FAP: variants seen among roughly 807,000 people sequenced by gnomAD.
FAP encodes the protein fibroblast activation protein alpha, also known as prolyl endopeptidase FAP.
In FAP, 110 loss-of-function variants were observed where a neutral mutation model predicts 126.5. That is an observed-to-expected ratio of 0.87 (90% CI 0.74 to 1.02). FAP has a LOEUF of 1.02. FAP is among the 50% of genes least tolerant of loss of function. FAP has a pLI of 0.00. For synonymous variants in FAP, 334 were observed against 297.3 expected (o/e 1.12, Z -1.27); for missense variants, 919 against 909.2 (o/e 1.01, Z -0.14).
In FAP at chr2:162,188,284, T is replaced by TC. The variant is rs1450696678; in HGVS notation, c.1698dup (p.Met567AspfsTer16). On this transcript the variant is annotated frameshift_variant, in exon 20 of 26. Transcript: ENST00000188790. LOFTEE classifies it high-confidence loss of function. ...CGACCATCCACCAAGGCAATGACCATCCCTTCCTTACTTGCAAGATAAGAT... is the reference window on the plus strand; with the variant it reads ...CGACCATCCACCAAGGCAATGACCATCCCCTTCCTTACTTGCAAGATAAGAT... 2 of 1,613,320 alleles carry TC rather than the reference T, an allele frequency of 1.2e-6. No homozygotes were observed. Among genetic ancestry groups the TC allele is most frequent in the Non-Finnish European group, 1.7e-6 (2 of 1,179,518 alleles).
intron 10 of FAP, 62 bp downstream of exon 10, chr2:162,215,836 T>G: frequency 8.5e-7 from 1 of 1,173,660 alleles, no homozygotes; most frequent in Non-Finnish European, 1.3e-6. Context: ...GCTTCTAGCA[T>G]GCACAGCATA....
chr2:162,183,370 T>C (rs746636788), intron 21 of FAP, 44 bp downstream of exon 21: 2 of 1,393,040 alleles, frequency 1.4e-6, no homozygotes, highest in South Asian at 1.2e-5. Flanking sequence ...AAAATGATGA[T>C]TGCTGAACTG....
At chr2:162,228,997 G>A (rs562747222) in intron 2 of FAP, among the ~76,000 whole-genome samples, 83 of 152,172 alleles carry the variant, frequency 5.5e-4, no homozygotes, top group African/African-American at 1.8e-3. Flanking sequence ...TCCATTTACT[G>A]TAAATACCAA....
chr2:162,172,777 A>G, intron 25 of FAP, 34 bp downstream of exon 25: 1 of 1,443,848 alleles, frequency 6.9e-7, no homozygotes, highest in Non-Finnish European at 9.8e-7. Flanking sequence ...TGAGGGTCTA[A>G]GGCCATGAAC....
rs531526719 is a variant in FAP, at chr2:162,214,959, C to T, written c.867-886G>A. ...CTACTATTTTATTGTTAGTATTTTACAGCTGTTCAAACAAGCCTCTGGACT... is the reference window on the plus strand; with the variant it reads ...CTACTATTTTATTGTTAGTATTTTATAGCTGTTCAAACAAGCCTCTGGACT... On this transcript the variant is annotated intron_variant, in intron 10 of 25. Transcript: ENST00000188790. Among the ~76,000 whole-genome samples the T allele has an allele frequency of 1.6e-4, 25 of 152,234 alleles. No individual in the cohort carries two copies. In the South Asian group the frequency reaches 1.9e-3, roughly 11 times the overall value.
chr2:162,182,269 A>G (rs905150244), intron 21 of FAP, among the ~76,000 whole-genome samples: 4 of 152,210 alleles, frequency 2.6e-5, no homozygotes, highest in African/African-American at 9.7e-5. Flanking sequence ...GCAAAGTCCA[A>G]CTCTAAGAGA....
At chr2:162,183,024 A>G (rs987703776) in intron 21 of FAP, among the ~76,000 whole-genome samples, 11 of 152,220 alleles carry the variant, frequency 7.2e-5, no homozygotes, top group Non-Finnish European at 1.5e-4. Flanking sequence ...TATATTCTGA[A>G]AGTCCCTGTG....
intron 2 of FAP, among the ~76,000 whole-genome samples, chr2:162,236,918 C>T (rs1372425687): frequency 6.6e-6 from 1 of 152,110 alleles, no homozygotes; most frequent in Non-Finnish European, 1.5e-5. Flanking sequence ...TTTTAACATA[C>T]AATTGTTATA....
At chr2:162,171,104 GT>G (rs754795750) in intron 25 of FAP, 24 bp from the exon 26 acceptor site, 2 of 1,588,594 alleles carry the variant, frequency 1.3e-6, no homozygotes, top group Admixed American at 3.4e-5. Flanking sequence ...AAAAAAGCTT[GT>G]TTTATTCCTG....
chr2:162,229,647 C>T (rs142103229), intron 2 of FAP, among the ~76,000 whole-genome samples: 175 of 152,120 alleles, frequency 1.2e-3, no homozygotes, highest in African/African-American at 3.6e-3. Context: ...TTTTCCTTTT[C>T]GTATCATTAA....
intron 2 of FAP, among the ~76,000 whole-genome samples, chr2:162,227,350 T>C (rs183898691): frequency 1.1e-3 from 171 of 152,280 alleles, no homozygotes; most frequent in African/African-American, 3.8e-3. Flanking sequence ...ATTCAATCTA[T>C]ATTTGAATAC....
At chr2:162,226,781 G>T (rs1229026174) in intron 2 of FAP, among the ~76,000 whole-genome samples, 160 bp from the exon 3 acceptor site, 1 of 152,096 alleles carries the variant, frequency 6.6e-6, no homozygotes, top group Admixed American at 6.6e-5. Flanking sequence ...ATTATTAATA[G>T]TAGTATCTCC....
chr2:162,226,033 G>T (rs748746222), intron 3 of FAP, among the ~76,000 whole-genome samples: 20 of 152,024 alleles, frequency 1.3e-4, no homozygotes, highest in Non-Finnish European at 2.9e-4. Context: ...AAATGTCATA[G>T]ACTATTTAGT....
chr2:162,183,358 A>G, intron 21 of FAP, 56 bp downstream of exon 21: 1 of 1,301,000 alleles, frequency 7.7e-7, no homozygotes, highest in Non-Finnish European at 1.1e-6. Context: ...CGAACACTTC[A>G]GAAAATGATG....
At chr2:162,176,475 A>G (rs1490384740) in intron 21 of FAP, 4 of 152,164 alleles carry the variant, frequency 2.6e-5, no homozygotes, top group Non-Finnish European at 5.9e-5. Context: ...TAAAAACAGA[A>G]GATACATTTG....
At chr2:162,195,521 G>T (rs1002506764) in intron 16 of FAP, among the ~76,000 whole-genome samples, 1 of 151,722 alleles carries the variant, frequency 6.6e-6, no homozygotes, top group Non-Finnish European at 1.5e-5. Context: ...CTCCCGGGTT[G>T]GGGGGAGGTA....
intron 21 of FAP, chr2:162,176,346 T>C (rs1559759913): frequency 1.3e-5 from 2 of 152,212 alleles, no homozygotes; most frequent in South Asian, 2.1e-4. Flanking sequence ...GGGTATTTTA[T>C]TGAAGACCTT....
At position 162,171,095 on chromosome 2, in the gene FAP, A is replaced by G. The variant is rs1198822558; in HGVS notation, c.2182-15T>C. On this transcript the variant is annotated splice_polypyrimidine_tract_variant and intron_variant, in intron 25 of 25. Transcript: ENST00000188790. ...TCAGAGTACCACTGAAACACAAAGA[A>G]AAAAGCTTGTTTTATTCCTGCAGTC... 2 of 1,608,154 alleles carry G rather than the reference A, an allele frequency of 1.2e-6. No individual in the cohort carries two copies. Among genetic ancestry groups the G allele is most frequent in the East Asian group, 2.2e-5 (1 of 44,828 alleles).
At chr2:162,197,776 T>A (rs373489484) in intron 16 of FAP, 29 of 383,794 alleles carry the variant, frequency 7.6e-5, no homozygotes, top group South Asian at 1.6e-4. Flanking sequence ...AGATTCCATT[T>A]GTTCTTTAAG....
Sources: gnomAD v4.1 joint callset for allele counts (sites outside exome capture counted in the v4.1 genomes callset) on GRCh38, gnomAD v4.1.1 for gene constraint, MANE v1.5 for transcripts, NCBI Gene and HGNC (gene_info 2026-07-23, HGNC 2026-07-21) for gene names.